PAXBP1: variants seen among roughly 807,000 people sequenced by gnomAD.
PAXBP1 encodes the protein PAX3- and PAX7-binding protein 1.
In PAXBP1, 44 loss-of-function variants were observed where a neutral mutation model predicts 119.9. The ratio of observed to expected loss-of-function variants is 0.37; its 90% CI spans 0.29 to 0.47. The LOEUF is 0.47. Ranked by LOEUF, PAXBP1 falls within the 20% of genes least tolerant of loss-of-function variation. PAXBP1 has a pLI of 0.99. For synonymous variants in PAXBP1, 393 were observed against 406.6 expected (o/e 0.97, Z 0.40); for missense variants, 898 against 1,134.1 (o/e 0.79, Z 2.99).
intron 1 of PAXBP1, among the ~76,000 whole-genome samples, chr21:32,770,515 C>T (rs993972478): frequency 6.6e-6 from 1 of 152,200 alleles, no homozygotes; most frequent in Non-Finnish European, 1.5e-5. Context: ...AGATAAACTA[C>T]CTACCTTACT....
chr21:32,756,201 T>C, intron 7 of PAXBP1: 1 of 484,590 alleles, frequency 2.1e-6, no homozygotes, highest in Admixed American at 2.7e-5. Context: ...ATACCTTATG[T>C]TATAATCAAA....
intron 13 of PAXBP1, 94 bp downstream of exon 13, chr21:32,744,698 G>A (rs2043846302): frequency 1.6e-6 from 2 of 1,262,898 alleles, no homozygotes; most frequent in East Asian, 2.8e-5. Flanking sequence ...CCAGATTTCT[G>A]ATTGGTTTAG....
intron 2 of PAXBP1, among the ~76,000 whole-genome samples, chr21:32,767,349 C>T (rs1256344547): frequency 1.3e-5 from 2 of 152,032 alleles, no homozygotes; most frequent in Admixed American, 1.3e-4. Flanking sequence ...TCAGACTCCG[C>T]CTTCAGAGGA....
intron 12 of PAXBP1, 50 bp from the exon 13 acceptor site, chr21:32,744,963 ATTT>A: frequency 1.9e-6 from 3 of 1,571,468 alleles, no homozygotes; most frequent in Non-Finnish European, 2.6e-6. Flanking sequence ...TGTACCTTTA[ATTT>A]TTTGTCAAGC....
chr21:32,766,663 C>A (rs931300553), intron 2 of PAXBP1, among the ~76,000 whole-genome samples: 1 of 152,218 alleles, frequency 6.6e-6, no homozygotes, highest in African/African-American at 2.4e-5. Context: ...ACCCTACAAA[C>A]AGCCTTTGAT....
chr21:32,767,008 CTAGAG>C (rs150166100), intron 2 of PAXBP1, among the ~76,000 whole-genome samples: 1,627 of 152,256 alleles, frequency 0.011, 32 homozygotes, highest in African/African-American at 0.037. Context: ...TGTAGGCTTA[CTAGAG>C]TAGAAGTCTT....
chr21:32,768,151 C>T (rs562495751), intron 2 of PAXBP1, among the ~76,000 whole-genome samples: 113 of 151,548 alleles, frequency 7.5e-4, no homozygotes, highest in African/African-American at 2.6e-3. Context: ...AAGGTGAATG[C>T]CATTATCCCA....
At chr21:32,756,639 C>T in intron 7 of PAXBP1, 1 of 262,494 alleles carries the variant, frequency 3.8e-6, no homozygotes, top group South Asian at 3.6e-5. Flanking sequence ...CACAACATTG[C>T]CATTTACACT....
chr21:32,771,572 A>G lies in PAXBP1; in HGVS notation c.97T>C (p.Leu33=). ...RDEEQEPPPL[L]PPPGTGEEAG... ...TCTTCGCCCGTGCCCGGCGGCGGCA[A>G]CAACGGCGGCGGCTCCTGCTCCTCA... is the stretch of plus-strand genomic sequence containing the variant. Residue 33 remains leucine (L), a synonymous_variant, in exon 1 of 18, where the codon TTG becomes CTG. Coordinates refer to ENST00000331923, the MANE Select transcript of PAXBP1 (RefSeq NM_016631.4). The G allele has an allele frequency of 2.1e-6, 3 of 1,432,684 alleles. No individual in the cohort carries two copies. The highest frequency in any genetic ancestry group is 1.8e-6 in the Non-Finnish European group (2 of 1,096,940). The allele number at this position is 1,432,684 out of a possible 1,614,324, so 88.7% of individuals were successfully genotyped here.
chr21:32,757,626 T>G (rs1481199715), intron 7 of PAXBP1, among the ~76,000 whole-genome samples: 1 of 152,234 alleles, frequency 6.6e-6, no homozygotes, highest in Non-Finnish European at 1.5e-5. Flanking sequence ...TACTGTCAAA[T>G]TTTTTAGAGT....
At chr21:32,759,039 T>C in intron 7 of PAXBP1, 41 bp downstream of exon 7, 1 of 1,594,362 alleles carries the variant, frequency 6.3e-7, no homozygotes, top group Non-Finnish European at 8.6e-7. Flanking sequence ...ACCTCCCTAA[T>C]TTTGCCTTAT....
Position 32,751,225 on chromosome 21 carries a change from A to G in PAXBP1, c.1508-7T>C. 1 of 1,613,100 alleles carries G rather than the reference A, an allele frequency of 6.2e-7. No homozygotes were observed. The highest frequency in any genetic ancestry group is 1.1e-5 in the South Asian group (1 of 91,024). ...GGTGCCATCAGAGCTTTGTCTGCAA[A>G]ACAACAACAGTTAAAATTAAAAGCC... On this transcript the variant is annotated splice_region_variant and splice_polypyrimidine_tract_variant and intron_variant, in intron 8 of 17. Coordinates refer to ENST00000331923, the MANE Select transcript of PAXBP1 (RefSeq NM_016631.4).
Position 32,759,947 on chromosome 21 carries a change from A to G in PAXBP1, c.1023T>C (p.Thr341=), listed in dbSNP as rs1263434741. The G allele has an allele frequency of 6.2e-7, 1 of 1,614,142 alleles. No individual in the cohort carries two copies. Among genetic ancestry groups the G allele is most frequent in the Admixed American group, 1.7e-5 (1 of 60,030 alleles). ...ATGAGCCGTAAGGCATTGTCTGGTA[A>G]GTGTTCTGGTAGTACATATTCACTT... is the stretch of plus-strand genomic sequence containing the variant. ...PAEVNMYYQN[T]YQTMPYGSSY... is the part of the protein sequence containing the mutation. The change falls in exon 6 of 18, where the codon ACT becomes ACC. Residue 341 remains threonine, a synonymous_variant. Transcript: ENST00000331923.
At chr21:32,740,517 A>G (rs76045792) in intron 15 of PAXBP1, among the ~76,000 whole-genome samples, 270 of 152,350 alleles carry the variant, frequency 1.8e-3, no homozygotes, top group Middle Eastern at 6.8e-3. Context: ...TTCACAGAAA[A>G]GGCTATCGCC....
At chr21:32,766,344 CAT>C (rs1310797410) in intron 2 of PAXBP1, among the ~76,000 whole-genome samples, 6 of 152,194 alleles carry the variant, frequency 3.9e-5, no homozygotes, top group Admixed American at 3.3e-4. Flanking sequence ...TCAGTGGTCA[CAT>C]GTTACCCTTC....
Position 32,738,796 on chromosome 21 carries a change from T to C in PAXBP1, c.2335-477A>G, listed in dbSNP as rs113728583. Among the ~76,000 whole-genome samples the C allele has an allele frequency of 4.5e-3, 686 of 152,242 alleles. 1 individual carries two copies. Among genetic ancestry groups the C allele is most frequent in the African/African-American group, 0.016 (645 of 41,534 alleles). On this transcript the variant is annotated intron_variant, in intron 15 of 17. Transcript: ENST00000331923. The stretch of plus-strand genomic sequence containing the variant: ...TCAAGCTACCCAAGCTCAATCAATA[T>C]ATAGAAAATGAAAGCTATCATCATA...
At position 32,734,968 on chromosome 21, in the gene PAXBP1, A is replaced by C; in HGVS notation, c.2736T>G (p.Ser912=). The C allele has an allele frequency of 1.2e-6, 2 of 1,613,618 alleles. No individual in the cohort carries two copies. Among genetic ancestry groups the C allele is most frequent in the East Asian group, 4.5e-5 (2 of 44,812 alleles). The change falls in exon 18 of 18, where the codon TCT becomes TCG. Residue 912 remains serine, a synonymous_variant. Transcript: ENST00000331923. ...ASDHNVKEFK[S]LIEGK is the part of the protein sequence containing the mutation. The stretch of plus-strand genomic sequence containing the variant: ...CATAGATCTATTTTCCTTCGATCAA[A>C]GACTTAAATTCTTTCACATTGTGGT...
intron 1 of PAXBP1, 119 bp downstream of exon 1, chr21:32,771,207 A>C (rs1416243798): frequency 1.2e-5 from 11 of 950,294 alleles, no homozygotes; most frequent in Non-Finnish European, 1.6e-5. Context: ...AGCCGGTCGG[A>C]CGGCAGGGGA....
At chr21:32,757,066 C>T (rs1289056021) in intron 7 of PAXBP1, among the ~76,000 whole-genome samples, 1 of 151,780 alleles carries the variant, frequency 6.6e-6, no homozygotes, top group African/African-American at 2.4e-5. Context: ...AAGATAATTA[C>T]AGGGAAACAA....
Sources: allele counts gnomAD v4.1 joint callset (sites outside exome capture counted in the v4.1 genomes callset), GRCh38; gene constraint gnomAD v4.1.1; transcripts MANE v1.5; gene names NCBI Gene and HGNC (gene_info 2026-07-23, HGNC 2026-07-21).